Variants in ZDHHC15 observed in about 807,000 individuals in gnomAD.
The protein encoded by ZDHHC15 is zDHHC palmitoyltransferase 15.
A neutral mutation model predicts 31.7 loss-of-function variants in ZDHHC15; 19 were observed. The ratio of observed to expected loss-of-function variants is 0.60; its 90% CI spans 0.42 to 0.88. ZDHHC15 has a LOEUF of 0.88. ZDHHC15 is among the 40% of genes least tolerant of loss of function. The probability of loss-of-function intolerance (pLI) is 0.00; values close to 1 mark genes in which losing one functional copy is unlikely to be tolerated. For synonymous variants in ZDHHC15, 103 were observed against 90.0 expected (o/e 1.14, Z -0.82); for missense variants, 209 against 251.2 (o/e 0.83, Z 1.14).
chrX:75,408,121 C>T (rs1426900164), intron 10 of ZDHHC15, among the ~76,000 whole-genome samples: 2 of 110,329 alleles, frequency 1.8e-5, no homozygotes, highest in Non-Finnish European at 3.8e-5. Context: ...CCCTTGTTCA[C>T]ATGTTTATCT....
intron 1 of ZDHHC15, among the ~76,000 whole-genome samples, chrX:75,508,901 T>A (rs1213607777): frequency 9.0e-6 from 1 of 111,624 alleles, no homozygotes; most frequent in African/African-American, 3.3e-5. Context: ...TGGTCAGTGA[T>A]GATGAGCATT....
intron 1 of ZDHHC15, among the ~76,000 whole-genome samples, chrX:75,522,476 C>T (rs2085456418): frequency 9.0e-6 from 1 of 111,250 alleles, no homozygotes; most frequent in Non-Finnish European, 1.9e-5. Flanking sequence ...GGTGGGGCTC[C>T]TAGTTGGATG....
Position 75,521,022 on chromosome X carries a change from T to C in ZDHHC15, c.136+1867A>G, listed in dbSNP as rs749506880. On this transcript the variant is annotated intron_variant, in intron 1 of 11. Transcript: ENST00000373367. ...TTTGCAAATATGTAACAGAAGAAAA[T>C]TACAAATGGAGTCAGGTCCCGGAGT... is the stretch of plus-strand genomic sequence containing the variant. Among the ~76,000 whole-genome samples, 5 of 110,401 alleles carry C rather than the reference T, an allele frequency of 4.5e-5. No homozygotes were observed. The South Asian group carries it at 1.6e-3, about 34-fold the overall frequency.
intron 2 of ZDHHC15, among the ~76,000 whole-genome samples, chrX:75,499,827 A>G (rs2085063225): frequency 8.9e-6 from 1 of 111,742 alleles, no homozygotes; most frequent in African/African-American, 3.2e-5. Flanking sequence ...AGAAAAATAC[A>G]CTTGCACATG....
chrX:75,520,153 T>C (rs2085422682), intron 1 of ZDHHC15, among the ~76,000 whole-genome samples: 1 of 112,279 alleles, frequency 8.9e-6, no homozygotes, highest in African/African-American at 3.2e-5. Context: ...AAAGTTGTTA[T>C]AAAGATTAAG....
At chrX:75,433,738 C>G (rs1276346968) in intron 4 of ZDHHC15, among the ~76,000 whole-genome samples, 1 of 107,486 alleles carries the variant, frequency 9.3e-6, no homozygotes, top group African/African-American at 3.4e-5. Flanking sequence ...TCTTTATTCA[C>G]TCATTGGTTT....
At chrX:75,489,337 C>T (rs180907901) in intron 2 of ZDHHC15, among the ~76,000 whole-genome samples, 2 of 111,940 alleles carry the variant, frequency 1.8e-5, no homozygotes, top group African/African-American at 6.5e-5. Context: ...TGGGAGGCAC[C>T]CCCGAGTAGG....
intron 4 of ZDHHC15, among the ~76,000 whole-genome samples, chrX:75,435,979 T>C (rs1275459547): frequency 1.8e-5 from 2 of 111,637 alleles, no homozygotes; most frequent in Non-Finnish European, 3.8e-5. Flanking sequence ...CCCTGGACTT[T>C]TTTTTGTTGG....
At chrX:75,435,612 T>C (rs773697133) in intron 4 of ZDHHC15, among the ~76,000 whole-genome samples, 67 of 112,395 alleles carry the variant, frequency 6.0e-4, no homozygotes, top group Admixed American at 1.8e-3. Context: ...GTGATTTTTG[T>C]TTTTACTTAT....
intron 10 of ZDHHC15, among the ~76,000 whole-genome samples, chrX:75,408,252 C>T (rs767830525): frequency 1.9e-5 from 2 of 106,362 alleles, no homozygotes; most frequent in South Asian, 4.2e-4. Flanking sequence ...ACATTAGTCA[C>T]CACAGTCAAA....
chrX:75,505,472 C>A (rs1280202155), intron 2 of ZDHHC15, among the ~76,000 whole-genome samples: 2 of 110,543 alleles, frequency 1.8e-5, no homozygotes, highest in Admixed American at 9.8e-5. Flanking sequence ...GGGGCCTTTA[C>A]TCCATGCCTT....
chrX:75,493,095 C>A (rs745849090), intron 2 of ZDHHC15, among the ~76,000 whole-genome samples: 1 of 111,389 alleles, frequency 9.0e-6, no homozygotes, highest in Non-Finnish European at 1.9e-5. Context: ...AAATGATAAA[C>A]GGGGTATCAC....
chrX:75,459,745 T>C (rs749172734), intron 3 of ZDHHC15, among the ~76,000 whole-genome samples: 1 of 112,339 alleles, frequency 8.9e-6, no homozygotes, highest in Non-Finnish European at 1.9e-5. Flanking sequence ...CCTCCAGTTT[T>C]AGAGAGTGAA....
intron 10 of ZDHHC15, among the ~76,000 whole-genome samples, chrX:75,402,681 C>T (rs969143142): frequency 2.7e-5 from 3 of 111,158 alleles, no homozygotes; most frequent in South Asian, 3.8e-4. Context: ...TAAGGCTGAA[C>T]AAAGAAGAAA....
intron 4 of ZDHHC15, among the ~76,000 whole-genome samples, chrX:75,438,448 T>C (rs2083893125): frequency 2.8e-5 from 1 of 36,171 alleles, no homozygotes; most frequent in Non-Finnish European, 9.4e-5. Flanking sequence ...GTTGTTGCTT[T>C]AAAGTCTGTT....
At chrX:75,445,020 T>A (rs1343009568) in intron 4 of ZDHHC15, among the ~76,000 whole-genome samples, 1 of 109,857 alleles carries the variant, frequency 9.1e-6, no homozygotes, top group East Asian at 2.9e-4. Context: ...GCTTATACTT[T>A]GGGCTCAAAG....
chrX:75,458,143 G>C (rs1323508264), intron 3 of ZDHHC15, among the ~76,000 whole-genome samples: 1 of 112,080 alleles, frequency 8.9e-6, no homozygotes, highest in East Asian at 2.8e-4. Context: ...AGCAATCAAA[G>C]GAAATTAACT....
chrX:75,473,389 C>T (rs1453445679), intron 3 of ZDHHC15, among the ~76,000 whole-genome samples: 2 of 111,022 alleles, frequency 1.8e-5, no homozygotes, highest in African/African-American at 6.5e-5. Context: ...TCACTATCAC[C>T]CCTAGTGATC....
chrX:75,407,881 C>G (rs2147811373), intron 10 of ZDHHC15, among the ~76,000 whole-genome samples: 1 of 112,087 alleles, frequency 8.9e-6, no homozygotes, highest in Non-Finnish European at 1.9e-5. Context: ...ATTCTTCTGC[C>G]TTGGGATGCT....
Sources: gnomAD v4.1 joint callset for allele counts (sites outside exome capture counted in the v4.1 genomes callset) on GRCh38, gnomAD v4.1.1 for gene constraint, MANE v1.5 for transcripts, NCBI Gene and HGNC (gene_info 2026-07-23, HGNC 2026-07-21) for gene names.